Variants in CNTN5 observed in about 807,000 individuals in gnomAD.
CNTN5 encodes the protein contactin-5.
Under a neutral mutation model 129.1 loss-of-function variants are expected in CNTN5, and 77 were observed. That is an observed-to-expected ratio of 0.60 (90% confidence interval 0.50 to 0.72). CNTN5 has a LOEUF of 0.72. Among genes scored for constraint, CNTN5 ranks in the 30% least tolerant of loss-of-function variants. The probability of loss-of-function intolerance (pLI) is 0.00; values close to 1 mark genes in which losing one functional copy is unlikely to be tolerated. For synonymous variants in CNTN5, 509 were observed against 465.6 expected (o/e 1.09, Z -1.20); for missense variants, 1,478 against 1,328.8 (o/e 1.11, Z -1.75).
At chr11:99,321,348 T>TTA (rs1185388176) in intron 1 of CNTN5, among the ~76,000 whole-genome samples, 20 of 148,992 alleles carry the variant, frequency 1.3e-4, no homozygotes, top group South Asian at 4.2e-4. Context: ...TTTATATACA[T>TTA]TATATATATA....
At chr11:99,025,761 A>G (rs1863083000) in intron 1 of CNTN5, among the ~76,000 whole-genome samples, 1 of 151,746 alleles carries the variant, frequency 6.6e-6, no homozygotes, top group Non-Finnish European at 1.5e-5. Context: ...TATCATATAA[A>G]TAGTAGAGAA....
At chr11:100,337,074 C>T in intron 21 of CNTN5, 9 of 1,284,224 alleles carry the variant, frequency 7.0e-6, no homozygotes, top group Non-Finnish European at 1.0e-5. Context: ...TTTCACAAAT[C>T]ACTCTTGTAG....
intron 2 of CNTN5, among the ~76,000 whole-genome samples, chr11:99,404,568 A>G (rs1169442397): frequency 1.3e-5 from 2 of 152,072 alleles, no homozygotes; most frequent in Non-Finnish European, 1.5e-5. Flanking sequence ...ACACTATCTT[A>G]TAACCCATTA....
At chr11:100,222,098 T>C (rs1000721179) in intron 15 of CNTN5, among the ~76,000 whole-genome samples, 1 of 152,214 alleles carries the variant, frequency 6.6e-6, no homozygotes, top group Non-Finnish European at 1.5e-5. Flanking sequence ...CAATCTATTC[T>C]TTTTAACTTT....
At chr11:99,052,612 A>G (rs1410851235) in intron 1 of CNTN5, among the ~76,000 whole-genome samples, 1 of 151,860 alleles carries the variant, frequency 6.6e-6, no homozygotes, top group Non-Finnish European at 1.5e-5. Context: ...ACATGACTGT[A>G]TTTTTAGGAG....
At chr11:99,542,586 G>T (rs1948154409) in intron 2 of CNTN5, among the ~76,000 whole-genome samples, 1 of 151,980 alleles carries the variant, frequency 6.6e-6, no homozygotes, top group South Asian at 2.1e-4. Context: ...TAGTCTCTCT[G>T]GCCCCTACTA....
chr11:99,842,240 C>T (rs1356220369), intron 4 of CNTN5, among the ~76,000 whole-genome samples: 1 of 152,048 alleles, frequency 6.6e-6, no homozygotes, highest in East Asian at 1.9e-4. Context: ...TCAGTTTTGT[C>T]ATCTCTAAGA....
chr11:99,788,678 G>A (rs561855419), intron 3 of CNTN5, among the ~76,000 whole-genome samples: 7 of 151,960 alleles, frequency 4.6e-5, no homozygotes, highest in Non-Finnish European at 1.0e-4. Flanking sequence ...AAAGATGCCT[G>A]TAAGGAAACA....
Position 100,002,105 on chromosome 11 carries a change from A to G in CNTN5, c.949A>G (p.Thr317Ala). The G allele has an allele frequency of 6.3e-7, 1 of 1,595,156 alleles. No homozygotes were observed. Among genetic ancestry groups the G allele is most frequent in the Non-Finnish European group, 8.5e-7 (1 of 1,174,004 alleles). ...CACGGTTACAGCTGCTAAAGGAACA[A>G]CTGTTAAGATGGAATGCTTTGCACT... ...PFTVTAAKGT[T>A]VKMECFALGN... Residue 317 changes from threonine (T) to alanine (A), a missense_variant, in exon 9 of 25, where the codon ACT becomes GCT. Coordinates refer to ENST00000524871, the MANE Select transcript of CNTN5 (RefSeq NM_014361.4).
chr11:99,386,311 G>A (rs1199629824), intron 2 of CNTN5, among the ~76,000 whole-genome samples: 1 of 152,202 alleles, frequency 6.6e-6, no homozygotes, highest in African/African-American at 2.4e-5. Context: ...TATTAAGAAA[G>A]TAAAGGAATA....
At chr11:100,073,295 C>T (rs999670488) in intron 12 of CNTN5, among the ~76,000 whole-genome samples, 15 of 152,088 alleles carry the variant, frequency 9.9e-5, no homozygotes, top group African/African-American at 3.6e-4. Flanking sequence ...GATCTGCCCA[C>T]CTCAGCCTCC....
intron 1 of CNTN5, among the ~76,000 whole-genome samples, chr11:99,234,355 G>A (rs1219071589): frequency 6.6e-6 from 1 of 151,938 alleles, no homozygotes; most frequent in Non-Finnish European, 1.5e-5. Context: ...CAGAAGGAGG[G>A]CCAAAATAAA....
At chr11:100,191,708 G>A (rs1487034140) in intron 14 of CNTN5, among the ~76,000 whole-genome samples, 2 of 152,106 alleles carry the variant, frequency 1.3e-5, no homozygotes, top group African/African-American at 4.8e-5. Context: ...TAGATAAACT[G>A]GCTCCAGAGC....
chr11:99,132,593 A>C (rs183615798), intron 1 of CNTN5, among the ~76,000 whole-genome samples: 171 of 152,258 alleles, frequency 1.1e-3, no homozygotes, highest in Non-Finnish European at 2.2e-3. Flanking sequence ...AATCACAAGC[A>C]TTCCTATACA....
intron 21 of CNTN5, chr11:100,309,449 A>G: frequency 2.1e-6 from 2 of 968,508 alleles, no homozygotes; most frequent in Non-Finnish European, 2.5e-6. Context: ...TAAGAGTTAC[A>G]GCAAGAACAA....
chr11:99,669,364 T>C (rs1258378399), intron 3 of CNTN5, among the ~76,000 whole-genome samples: 2 of 152,112 alleles, frequency 1.3e-5, no homozygotes, highest in African/African-American at 4.8e-5. Context: ...TCGAGTAACC[T>C]GGCTATTTCT....
intron 9 of CNTN5, among the ~76,000 whole-genome samples, chr11:100,055,405 CA>C (rs1943175632): frequency 6.6e-6 from 1 of 151,346 alleles, no homozygotes; most frequent in African/African-American, 2.4e-5. Flanking sequence ...CCACTTCTTG[CA>C]TCTTAAACTT....
chr11:99,626,807 A>G (rs1187800903), intron 3 of CNTN5, among the ~76,000 whole-genome samples: 1 of 152,138 alleles, frequency 6.6e-6, no homozygotes, highest in Non-Finnish European at 1.5e-5. Flanking sequence ...ACGATACTCA[A>G]GGTGACAGAT....
At chr11:99,438,280 G>A (rs1943677968) in intron 2 of CNTN5, among the ~76,000 whole-genome samples, 1 of 152,084 alleles carries the variant, frequency 6.6e-6, no homozygotes, top group Admixed American at 6.6e-5. Flanking sequence ...TTTTTGAATA[G>A]TAATTTAGAA....
Sources: gnomAD v4.1 joint callset for allele counts (sites outside exome capture counted in the v4.1 genomes callset) on GRCh38, gnomAD v4.1.1 for gene constraint, MANE v1.5 for transcripts, NCBI Gene and HGNC (gene_info 2026-07-23, HGNC 2026-07-21) for gene names.